The following GABRB1 variants were observed in gnomAD, a reference collection of about 807,000 sequenced individuals.
GABRB1 encodes gamma-aminobutyric acid type A receptor subunit beta1, also known as gamma-aminobutyric acid receptor subunit beta-1.
In GABRB1, 17 loss-of-function variants were observed where a neutral mutation model predicts 51.6. That is an observed-to-expected ratio of 0.33 (90% CI 0.23 to 0.49). The LOEUF (loss-of-function observed/expected upper bound fraction) is 0.49, where lower values mean the gene tolerates loss of function less well. GABRB1 is among the 20% of genes least tolerant of loss of function. GABRB1 has a pLI of 0.99. For synonymous variants in GABRB1, 247 were observed against 218.9 expected (o/e 1.13, Z -1.14); for missense variants, 410 against 600.6 (o/e 0.68, Z 3.32).
At chr4:47,088,597 G>A (rs1560528487) in intron 3 of GABRB1, among the ~76,000 whole-genome samples, 2 of 152,180 alleles carry the variant, frequency 1.3e-5, no homozygotes, top group Admixed American at 6.5e-5. Context: ...CCTGTACTTA[G>A]TACCAGGAGA....
At position 47,066,127 on chromosome 4, in the gene GABRB1, G is replaced by A. The variant is rs534170019; in HGVS notation, c.240+33643G>A. Among the ~76,000 whole-genome samples, 16 of 152,292 alleles carry A rather than the reference G, an allele frequency of 1.1e-4. 1 individual carries two copies. In the South Asian group the frequency reaches 3.3e-3, roughly 32 times the overall value. The stretch of plus-strand genomic sequence containing the variant: ...GATAAAGCAAATACTGCAATAAAGT[G>A]AGTCACACACAATTTTTGGTTTCCC... On this transcript the variant is annotated intron_variant, in intron 3 of 8. Transcript: ENST00000295454.
intron 4 of GABRB1, among the ~76,000 whole-genome samples, chr4:47,283,588 CTG>C (rs898858727): frequency 2.0e-5 from 3 of 151,242 alleles, no homozygotes; most frequent in Admixed American, 6.6e-5. Flanking sequence ...CGGGGTTTCA[CTG>C]TGTTAGCCAG....
At chr4:47,316,109 T>C (rs1426226004) in intron 4 of GABRB1, among the ~76,000 whole-genome samples, 2 of 151,872 alleles carry the variant, frequency 1.3e-5, no homozygotes, top group African/African-American at 2.4e-5. Context: ...CTGTCCTATG[T>C]TACTTTCTTA....
At chr4:47,215,180 T>A (rs1720506381) in intron 4 of GABRB1, among the ~76,000 whole-genome samples, 2 of 152,070 alleles carry the variant, frequency 1.3e-5, no homozygotes, top group African/African-American at 4.8e-5. Context: ...ACACCCACAA[T>A]AATGGGTGCT....
At chr4:47,078,879 G>T (rs867937910) in intron 3 of GABRB1, among the ~76,000 whole-genome samples, 13 of 152,138 alleles carry the variant, frequency 8.5e-5, no homozygotes, top group South Asian at 4.1e-4. Flanking sequence ...TCAGGGTTCT[G>T]CTCTCTGCTA....
At chr4:47,416,612 C>G (rs187775855) in intron 8 of GABRB1, among the ~76,000 whole-genome samples, 3 of 152,010 alleles carry the variant, frequency 2.0e-5, no homozygotes, top group African/African-American at 7.2e-5. Flanking sequence ...CCACCACACC[C>G]GGCTAATTTT....
chr4:47,420,673 A>G (rs1729066111), intron 8 of GABRB1, among the ~76,000 whole-genome samples: 1 of 152,174 alleles, frequency 6.6e-6, no homozygotes, highest in Non-Finnish European at 1.5e-5. Flanking sequence ...ATATGAAAAA[A>G]TAATAGCCCT....
intron 3 of GABRB1, among the ~76,000 whole-genome samples, chr4:47,159,691 C>A: frequency 6.6e-6 from 1 of 151,836 alleles, no homozygotes; most frequent in East Asian, 1.9e-4. Context: ...GGTTAAAAGA[C>A]CCTGGAATTC....
Position 47,406,832 on chromosome 4 carries a change from A to G in GABRB1, c.986A>G (p.Tyr329Cys). The G allele has an allele frequency of 1.2e-6, 2 of 1,614,158 alleles. No homozygotes were observed. Among genetic ancestry groups the G allele is most frequent in the Non-Finnish European group, 1.7e-6 (2 of 1,180,022 alleles). ...CTGCTGGAGTATGCCTTTGTAAATT[A>G]CATCTTCTTTGGGAAAGGCCCTCAG... is the stretch of plus-strand genomic sequence containing the variant. ...LALLEYAFVN[Y>C]IFFGKGPQKK... is the part of the protein sequence containing the mutation. The change falls in exon 8 of 9, where the codon TAC (tyrosine) becomes TGC (cysteine). Residue 329 changes from tyrosine (Y) to cysteine (C), a missense_variant. By Grantham distance (194) the Tyr-to-Cys change is radical (BLOSUM62 -2). Around this residue, in one of 5 missense-constraint regions of GABRB1, gnomAD observed 181 missense variants for 195.6 expected, o/e 0.93. Transcript: ENST00000295454.
intron 4 of GABRB1, among the ~76,000 whole-genome samples, chr4:47,262,362 C>A (rs916608341): frequency 1.6e-4 from 25 of 152,086 alleles, no homozygotes; most frequent in African/African-American, 6.0e-4. Flanking sequence ...AAACAAACAA[C>A]CCCATCAAAA....
At chr4:47,047,963 A>T (rs1019164394) in intron 3 of GABRB1, among the ~76,000 whole-genome samples, 4 of 152,126 alleles carry the variant, frequency 2.6e-5, no homozygotes, top group African/African-American at 9.7e-5. Flanking sequence ...GGAAGTGTAC[A>T]TCCTTAGAAA....
intron 1 of GABRB1, among the ~76,000 whole-genome samples, chr4:46,998,594 C>A (rs1222809282): frequency 1.3e-5 from 2 of 151,686 alleles, no homozygotes; most frequent in Admixed American, 6.6e-5. Context: ...ATTAGCCAGG[C>A]GTGGTGGCAG....
At chr4:47,050,736 T>C (rs1405841152) in intron 3 of GABRB1, among the ~76,000 whole-genome samples, 31 of 152,186 alleles carry the variant, frequency 2.0e-4, no homozygotes, top group Admixed American at 2.0e-3. Context: ...ATCTCCTGAT[T>C]CCTCACAGTC....
intron 5 of GABRB1, among the ~76,000 whole-genome samples, chr4:47,377,234 C>T (rs935506953): frequency 2.6e-5 from 4 of 152,176 alleles, no homozygotes; most frequent in African/African-American, 7.2e-5. Context: ...ACCTCCACCT[C>T]CTGGGTTCAA....
At chr4:47,364,836 C>A (rs1431384299) in intron 5 of GABRB1, among the ~76,000 whole-genome samples, 3 of 131,800 alleles carry the variant, frequency 2.3e-5, no homozygotes, top group Admixed American at 7.4e-5. Flanking sequence ...AATTTGTTTC[C>A]TTCTTAAAAT....
intron 4 of GABRB1, among the ~76,000 whole-genome samples, chr4:47,302,112 T>A (rs914238249): frequency 1.3e-5 from 2 of 152,164 alleles, no homozygotes; most frequent in African/African-American, 4.8e-5. Flanking sequence ...ACAAGATTCA[T>A]GGTCATATGT....
At chr4:47,386,718 A>G (rs1448379436) in intron 5 of GABRB1, among the ~76,000 whole-genome samples, 2 of 152,196 alleles carry the variant, frequency 1.3e-5, no homozygotes, top group African/African-American at 4.8e-5. Context: ...ACATCATTCC[A>G]TTGTCCAAGA....
chr4:47,317,314 G>C (rs577082292), intron 4 of GABRB1, among the ~76,000 whole-genome samples: 2 of 152,062 alleles, frequency 1.3e-5, no homozygotes, highest in South Asian at 4.1e-4. Flanking sequence ...AATTCCCAGA[G>C]AATATTCCCC....
chr4:47,328,366 T>C (rs1158839210), intron 5 of GABRB1, among the ~76,000 whole-genome samples: 1 of 152,194 alleles, frequency 6.6e-6, no homozygotes, highest in African/African-American at 2.4e-5. Flanking sequence ...CTTTTGGTGT[T>C]TTAGACATGA....
Sources: allele counts gnomAD v4.1 joint callset (sites outside exome capture counted in the v4.1 genomes callset), GRCh38; gene constraint gnomAD v4.1.1; regional missense constraint gnomAD v4.1.1; transcripts MANE v1.5; gene names NCBI Gene and HGNC (gene_info 2026-07-23, HGNC 2026-07-21).